FBXL12: variants seen among roughly 807,000 people sequenced by gnomAD.
FBXL12 encodes the protein F-box and leucine rich repeat protein 12.
A neutral mutation model predicts 24.9 loss-of-function variants in FBXL12; 22 were observed. The observed-to-expected ratio is 0.88, with a 90% CI of 0.63 to 1.26. FBXL12 has a LOEUF of 1.26. FBXL12 is among the 50% of genes most tolerant of loss of function. FBXL12 has a pLI of 0.00. For missense variants in FBXL12, 384 were observed against 434.1 expected (o/e 0.88, Z 1.03); for synonymous variants, 193 against 193.8 (o/e 1.00, Z 0.03).
chr19:9,811,359 G>A lies in FBXL12; in HGVS notation c.518C>T (p.Thr173Met), dbSNP rs753050309. The A allele has an allele frequency of 9.1e-5, 147 of 1,611,372 alleles. No individual in the cohort carries two copies. The highest frequency in any genetic ancestry group is 1.1e-4 in the East Asian group (5 of 44,886). The change falls in exon 3 of 3, where the codon ACG (threonine) becomes ATG (methionine). Residue 173 changes from threonine to methionine, a missense_variant. Thr to Met is a moderately conservative substitution (Grantham distance 81). Transcript: ENST00000247977. The surrounding 1 kb of genome is among the most constrained non-coding windows in gnomAD (Gnocchi z 6.0). ...AFRDEHLQGL[T>M]RFRALRSLVL... ...CAGCGAGCGCAAGGCCCGGAAGCGCGTCAGGCCCTGCAGGTGCTCGTCACG... is the reference window on the plus strand; with the variant it reads ...CAGCGAGCGCAAGGCCCGGAAGCGCATCAGGCCCTGCAGGTGCTCGTCACG...
In FBXL12 at chr19:9,818,606, C is replaced by G; in HGVS notation, c.98G>C (p.Arg33Pro). 6.4e-7 allele frequency: 1 copy of G among 1,555,342 alleles called. No individual in the cohort carries two copies. The highest frequency in any genetic ancestry group is 2.4e-5 in the East Asian group (1 of 41,602). Residue 33 changes from arginine to proline, a missense_variant, in exon 2 of 3, where the codon CGC becomes CCC. Transcript: ENST00000247977. ...CCGGTCGTCCACCAGCCTCTTCCAGCGGTGACAGACCCTGGGGGAGGGGAC... is the reference window on the plus strand; with the variant it reads ...CCGGTCGTCCACCAGCCTCTTCCAGGGGTGACAGACCCTGGGGGAGGGGAC... ...DRIRISRVCHRWKRLVDDRWL... is the reference protein window; with the variant it reads ...DRIRISRVCHPWKRLVDDRWL...
chr19:9,815,457 T>C (rs1209876512), intron 2 of FBXL12, among the ~76,000 whole-genome samples: 1 of 152,114 alleles, frequency 6.6e-6, no homozygotes, highest in Non-Finnish European at 1.5e-5. Flanking sequence ...TGGAGAACAG[T>C]GGCCCTCTTC....
chr19:9,812,387 T>G (rs1009788240), intron 2 of FBXL12, among the ~76,000 whole-genome samples: 1 of 151,630 alleles, frequency 6.6e-6, no homozygotes, highest in Admixed American at 6.6e-5. Flanking sequence ...AAAAATTAGC[T>G]GGGCGTGGTG....
Position 9,811,867 on chromosome 19 carries a change from A to C in FBXL12, c.160-150T>G. On this transcript the variant is annotated intron_variant, in intron 2 of 2. Coordinates refer to ENST00000247977, the MANE Select transcript of FBXL12 (RefSeq NM_017703.3). This position sits in a 1 kb window ranked among gnomAD's most constrained non-coding sequence, Gnocchi z 6.0. ...CTAGCCAGTCTCCTCCCCAGGTTCA[A>C]CCTCCCCAGGTTCAACCAGATGGTT... The C allele has an allele frequency of 9.3e-6, 5 of 536,016 alleles. No individual in the cohort carries two copies. Among genetic ancestry groups the C allele is most frequent in the South Asian group, 5.1e-5 (1 of 19,538 alleles). The allele number at this position is 536,016 out of a possible 1,614,324, so 33.2% of individuals were successfully genotyped here.
At position 9,810,789 on chromosome 19, in the gene FBXL12, C is replaced by G; in HGVS notation, c.*107G>C. 1 of 879,988 alleles carries G rather than the reference C, an allele frequency of 1.1e-6. No homozygotes were observed. Among genetic ancestry groups the G allele is most frequent in the Non-Finnish European group, 1.7e-6 (1 of 586,066 alleles). 54.5% of individuals were successfully genotyped at this position (879,988 alleles called of 1,614,324 possible). On this transcript the variant is annotated 3_prime_UTR_variant, in exon 3 of 3. Coordinates refer to ENST00000247977, the MANE Select transcript of FBXL12 (RefSeq NM_017703.3). ...AGGCCTCTGTTCTCTCAACCTGGGG[C>G]TTTCAGTTTCCTCAAGTCTGATTAT...
intron 2 of FBXL12, chr19:9,818,251 A>G (rs2045924581): frequency 2.3e-6 from 1 of 442,220 alleles, no homozygotes; most frequent in Admixed American, 3.9e-5. Flanking sequence ...GCATTTATCG[A>G]ATGATAAATA....
chr19:9,817,958 A>C (rs1269453449), intron 2 of FBXL12, among the ~76,000 whole-genome samples: 1 of 152,214 alleles, frequency 6.6e-6, no homozygotes, highest in Non-Finnish European at 1.5e-5. Flanking sequence ...TCATGCCTGT[A>C]ATCTGAACAC....
intron 2 of FBXL12, chr19:9,814,552 CT>C (rs1233478062): frequency 1.3e-5 from 2 of 151,204 alleles, no homozygotes; most frequent in Non-Finnish European, 2.9e-5. Flanking sequence ...AAAAAATTAG[CT>C]CAGTGTGGTG....
chr19:9,814,696 A>C (rs1489298384), intron 2 of FBXL12: 6 of 110,892 alleles, frequency 5.4e-5, no homozygotes, highest in African/African-American at 2.2e-4. Flanking sequence ...ACTCCATCTC[A>C]AAAAAAAAAA....
chr19:9,811,409 G>T lies in FBXL12; in HGVS notation c.468C>A (p.Ile156=). 6.2e-7 allele frequency: 1 copy of T among 1,613,340 alleles called. No individual in the cohort carries two copies. Among genetic ancestry groups the T allele is most frequent in the Non-Finnish European group, 8.5e-7 (1 of 1,179,986 alleles). ...GGAAGGCGGGGACGCGGTCCAGCACGATGCATTCAAGCAGGGGCAGCACGG... is the reference window on the plus strand; with the variant it reads ...GGAAGGCGGGGACGCGGTCCAGCACTATGCATTCAAGCAGGGGCAGCACGG... The part of the protein sequence containing the change: ...DPTVLPLLEC[I]VLDRVPAFRD... Residue 156 remains isoleucine (I), a synonymous_variant, in exon 3 of 3, where the codon ATC becomes ATA. Coordinates refer to ENST00000247977, the MANE Select transcript of FBXL12 (RefSeq NM_017703.3). The surrounding 1 kb of genome is among the most constrained non-coding windows in gnomAD (Gnocchi z 6.0).
In FBXL12 at chr19:9,811,149, G is replaced by A. The variant is rs1292619291; in HGVS notation, c.728C>T (p.Pro243Leu). ...IRLTVRGLSA[P>L]GLAVLEGMPA... is the part of the protein sequence containing the mutation. Reference sequence around the variant, plus strand: ...CATTCCCTCCAGCACAGCCAGGCCAGGGGCAGAGAGGCCCCTCACGGTCAG... The same window carrying A: ...CATTCCCTCCAGCACAGCCAGGCCAAGGGCAGAGAGGCCCCTCACGGTCAG... Residue 243 changes from proline to leucine, a missense_variant, in exon 3 of 3, where the codon CCT (proline) becomes CTT (leucine). Pro to Leu is a moderately conservative substitution (Grantham distance 98). Transcript: ENST00000247977. The surrounding 1 kb of genome is among the most constrained non-coding windows in gnomAD (Gnocchi z 6.0). 1 of 1,606,292 alleles carries A rather than the reference G, an allele frequency of 6.2e-7. No homozygotes were observed.
At position 9,811,908 on chromosome 19, in the gene FBXL12, G is replaced by T. The variant is rs116030489; in HGVS notation, c.160-191C>A. Among the ~76,000 whole-genome samples, 1 of 151,198 alleles carries T rather than the reference G, an allele frequency of 6.6e-6. No individual in the cohort carries two copies. Among genetic ancestry groups the T allele is most frequent in the African/African-American group, 2.4e-5 (1 of 41,166 alleles). Reference sequence around the variant, plus strand: ...CCAGATGGTTTGAGTGCACCATCTTGCCTGCTAGGGCTTTGAACAAATCTT... The same window carrying T: ...CCAGATGGTTTGAGTGCACCATCTTTCCTGCTAGGGCTTTGAACAAATCTT... On this transcript the variant is annotated intron_variant, in intron 2 of 2. Coordinates refer to ENST00000247977, the MANE Select transcript of FBXL12 (RefSeq NM_017703.3). The surrounding 1 kb of genome is among the most constrained non-coding windows in gnomAD (Gnocchi z 6.0).
Position 9,811,604 on chromosome 19 carries a change from AG to A in FBXL12, c.272del (p.Pro91LeufsTer4), listed in dbSNP as rs750409742. 14 of 1,551,564 alleles carry A rather than the reference AG, an allele frequency of 9.0e-6. No individual in the cohort carries two copies. The highest frequency in any genetic ancestry group is 2.3e-5 in the East Asian group (1 of 44,266). The stretch of plus-strand genomic sequence containing the variant: ...TCTGGCCCAGGGCTCTCAACAGAGC[AG>A]GGGACAACTGGGGGGCCTGGGAGCC... The part of the protein sequence containing the change: ...FSGSQAPQLS[P>X]ALLRALGQKC... On this transcript the variant is annotated frameshift_variant, in exon 3 of 3. Coordinates refer to ENST00000247977, the MANE Select transcript of FBXL12 (RefSeq NM_017703.3). LOFTEE classifies it high-confidence loss of function. The surrounding 1 kb of genome is among the most constrained non-coding windows in gnomAD (Gnocchi z 6.0).
In FBXL12 at chr19:9,811,472, C is replaced by T. The variant is rs2045750341; in HGVS notation, c.405G>A (p.Glu135=). 6.2e-7 allele frequency: 1 copy of T among 1,613,980 alleles called. No homozygotes were observed. The highest frequency in any genetic ancestry group is 8.5e-7 in the Non-Finnish European group (1 of 1,179,992). Residue 135 remains glutamate, a synonymous_variant, in exon 3 of 3, where the codon GAG becomes GAA. Transcript: ENST00000247977. This position sits in a 1 kb window ranked among gnomAD's most constrained non-coding sequence, Gnocchi z 6.0. The part of the protein sequence containing the change: ...TLRTLELHSC[E]ISMAWLHKQQ... Reference sequence around the variant, plus strand: ...GCTTGTGGAGCCAGGCCATGGAGATCTCGCAGCTGTGCAGCTCCAGGGTCC... The same window carrying T: ...GCTTGTGGAGCCAGGCCATGGAGATTTCGCAGCTGTGCAGCTCCAGGGTCC...
chr19:9,814,548 T>A (rs2045836783), intron 2 of FBXL12: 1 of 149,108 alleles, frequency 6.7e-6, no homozygotes, highest in South Asian at 2.1e-4. Flanking sequence ...ATACAAAAAA[T>A]TAGCTCAGTG....
In FBXL12 at chr19:9,811,732, G is replaced by C. The variant is rs369443044; in HGVS notation, c.160-15C>G. 6.6e-6 allele frequency: 10 copies of C among 1,505,956 alleles called. No individual in the cohort carries two copies. The highest frequency in any genetic ancestry group is 2.7e-5 in the South Asian group (2 of 73,476). The allele number at this position is 1,505,956 out of a possible 1,614,324, so 93.3% of individuals were successfully genotyped here. On this transcript the variant is annotated splice_polypyrimidine_tract_variant and intron_variant, in intron 2 of 2. Coordinates refer to ENST00000247977, the MANE Select transcript of FBXL12 (RefSeq NM_017703.3). The surrounding 1 kb of genome is among the most constrained non-coding windows in gnomAD (Gnocchi z 6.0). ...TTAGGTCGCATCTGTAAGAGCCAGA[G>C]ATTGGGGTGACAGAGTGAGAGGTAT...
Sources: allele counts gnomAD v4.1 joint callset (sites outside exome capture counted in the v4.1 genomes callset), GRCh38; gene constraint gnomAD v4.1.1; non-coding constraint Gnocchi (gnomAD v3.1); transcripts MANE v1.5; gene names NCBI Gene and HGNC (gene_info 2026-07-23, HGNC 2026-07-21).